Variants in MBP observed in about 807,000 individuals in gnomAD.
MBP encodes myelin basic protein.
A neutral mutation model predicts 35.8 loss-of-function variants in MBP; 16 were observed. That is an observed-to-expected ratio of 0.45 (90% CI 0.30 to 0.68). The LOEUF (loss-of-function observed/expected upper bound fraction) is 0.68. MBP is among the 30% of genes least tolerant of loss of function. The probability of loss-of-function intolerance (pLI) is 0.08; values close to 1 mark genes in which losing one functional copy is unlikely to be tolerated. For missense variants in MBP, 380 were observed against 404.7 expected (o/e 0.94, Z 0.52); for synonymous variants, 143 against 159.6 (o/e 0.90, Z 0.78).
intron 4 of MBP, among the ~76,000 whole-genome samples, chr18:77,010,628 A>T (rs1971291904): frequency 6.6e-6 from 1 of 152,238 alleles, no homozygotes; most frequent in South Asian, 2.1e-4. Context: ...GGTACTGGTG[A>T]AGGTTAGGAA....
At chr18:76,982,172 T>G (rs1969242635) in intron 8 of MBP, 1 of 152,258 alleles carries the variant, frequency 6.6e-6, no homozygotes, top group Admixed American at 6.5e-5. Flanking sequence ...CATCCTCTCT[T>G]TATAGCTCAG....
At position 77,029,046 on chromosome 18, in the gene MBP, A is replaced by G. The variant is rs564913181; in HGVS notation, c.140-11778T>C. Among the ~76,000 whole-genome samples the G allele has an allele frequency of 2.8e-4, 29 of 105,328 alleles. 6 individuals carry two copies. Among genetic ancestry groups the G allele is most frequent in the African/African-American group, 6.2e-4 (23 of 36,886 alleles). The allele number at this position is 105,328 out of a possible 152,430, so 69.1% of individuals were successfully genotyped here. On this transcript the variant is annotated intron_variant, in intron 3 of 8. Coordinates refer to ENST00000355994, the MANE Select transcript of MBP (RefSeq NM_001025101.2). ...GAGGCTGCAATCTCGGCACTTTGGGAGGCCAAGGCAGGCGGCTGGGAGGTG... is the reference window on the plus strand; with the variant it reads ...GAGGCTGCAATCTCGGCACTTTGGGGGGCCAAGGCAGGCGGCTGGGAGGTG...
At chr18:77,082,148 G>C (rs1305148899) in intron 2 of MBP, among the ~76,000 whole-genome samples, 1 of 152,032 alleles carries the variant, frequency 6.6e-6, no homozygotes, top group African/African-American at 2.4e-5. Context: ...CACTGCGCCC[G>C]GCCCATAGCA....
intron 4 of MBP, among the ~76,000 whole-genome samples, chr18:76,997,190 A>G (rs1339414906): frequency 6.6e-6 from 1 of 152,264 alleles, no homozygotes; most frequent in Non-Finnish European, 1.5e-5. Flanking sequence ...AGGAAAAAAG[A>G]AAAACTTCTG....
chr18:77,074,170 C>T (rs1448677379), intron 2 of MBP, among the ~76,000 whole-genome samples: 1 of 152,160 alleles, frequency 6.6e-6, no homozygotes. Flanking sequence ...AGACAGTGCC[C>T]ACGTGGGGGC....
chr18:77,014,367 C>T (rs2123443500), intron 4 of MBP: 3 of 985,354 alleles, frequency 3.0e-6, no homozygotes, highest in South Asian at 4.7e-5. Flanking sequence ...TGGGGGGGCT[C>T]CACTCAGAGT....
At chr18:77,043,935 T>C (rs1028140335) in intron 3 of MBP, among the ~76,000 whole-genome samples, 10 of 152,076 alleles carry the variant, frequency 6.6e-5, no homozygotes, top group African/African-American at 2.4e-4. Context: ...CCAGCCATTC[T>C]ACCTGACCCA....
chr18:76,987,341 T>C, intron 7 of MBP: 2 of 985,506 alleles, frequency 2.0e-6, no homozygotes, highest in Non-Finnish European at 2.4e-6. Context: ...ATTTGCTACA[T>C]GATTGTCATC....
intron 8 of MBP, 79 bp from the exon 9 acceptor site, chr18:76,980,550 G>T: frequency 8.9e-7 from 1 of 1,124,522 alleles, no homozygotes; most frequent in Non-Finnish European, 1.4e-6. Flanking sequence ...CTGTGGTCCC[G>T]GGTGGATGCT....
intron 2 of MBP, among the ~76,000 whole-genome samples, chr18:77,096,665 G>C (rs1975770357): frequency 6.6e-6 from 1 of 152,132 alleles, no homozygotes; most frequent in Non-Finnish European, 1.5e-5. Context: ...TGACGACCAG[G>C]GAAAGCCCAG....
intron 3 of MBP, among the ~76,000 whole-genome samples, chr18:77,029,341 A>C (rs1017489143): frequency 6.7e-6 from 1 of 148,984 alleles, no homozygotes; most frequent in African/African-American, 2.5e-5. Context: ...GGGGGGTTGC[A>C]GTGAGCCGAG....
intron 3 of MBP, among the ~76,000 whole-genome samples, chr18:77,019,272 T>G (rs978263775): frequency 2.6e-5 from 4 of 152,184 alleles, no homozygotes; most frequent in Non-Finnish European, 4.4e-5. Flanking sequence ...TACCTGTGAG[T>G]GTGACCTTAT....
rs376290826 is a variant in MBP, at chr18:76,986,816, C to T, written c.750+1679G>A. The T allele has an allele frequency of 4.6e-5, 45 of 985,240 alleles. 1 individual carries two copies. The East Asian group carries it at 9.1e-4, about 20-fold the overall frequency. The allele number at this position is 985,240 out of a possible 1,614,324, so 61.0% of individuals were successfully genotyped here. ...ATAAAGCATTTTTGAGAGCTAAATCCGGGGATTGACTTTCAGATTAACAAT... is the reference window on the plus strand; with the variant it reads ...ATAAAGCATTTTTGAGAGCTAAATCTGGGGATTGACTTTCAGATTAACAAT... On this transcript the variant is annotated intron_variant, in intron 7 of 8. Coordinates refer to ENST00000355994, the MANE Select transcript of MBP (RefSeq NM_001025101.2).
At chr18:77,013,444 A>G in intron 4 of MBP, 1 of 985,460 alleles carries the variant, frequency 1.0e-6, no homozygotes, top group Non-Finnish European at 1.2e-6. Flanking sequence ...CATGGTAACA[A>G]TGAGGAATTA....
chr18:76,994,688 T>C (rs1000141155), intron 4 of MBP, among the ~76,000 whole-genome samples: 1 of 152,374 alleles, frequency 6.6e-6, no homozygotes, highest in Non-Finnish European at 1.5e-5. Context: ...TTTGAGCTCT[T>C]GGAGCTATTA....
chr18:77,019,931 A>G (rs1971925416), intron 3 of MBP, among the ~76,000 whole-genome samples: 1 of 152,120 alleles, frequency 6.6e-6, no homozygotes, highest in Non-Finnish European at 1.5e-5. Flanking sequence ...CCAGGCAGTA[A>G]CCTGGGAGGC....
At chr18:77,002,405 G>C (rs1970687598) in intron 4 of MBP, among the ~76,000 whole-genome samples, 1 of 152,192 alleles carries the variant, frequency 6.6e-6, no homozygotes, top group African/African-American at 2.4e-5. Context: ...TGCCCAGAGA[G>C]CAGCATCTAC....
At chr18:77,016,783 C>A in intron 4 of MBP, 49 bp downstream of exon 4, 1 of 1,599,370 alleles carries the variant, frequency 6.3e-7, no homozygotes. Context: ...CTGATTTCTC[C>A]TTTGCTTTTT....
intron 4 of MBP, among the ~76,000 whole-genome samples, chr18:77,000,676 T>C (rs546276378): frequency 1.3e-5 from 2 of 152,376 alleles, no homozygotes; most frequent in South Asian, 2.1e-4. Context: ...GCCGCCTGTT[T>C]CTCTCCAGAA....
Sources: gnomAD v4.1 joint callset for allele counts (sites outside exome capture counted in the v4.1 genomes callset) on GRCh38, gnomAD v4.1.1 for gene constraint, MANE v1.5 for transcripts, NCBI Gene and HGNC (gene_info 2026-07-23, HGNC 2026-07-21) for gene names.